The following WWOX variants were observed in gnomAD, a reference collection of about 807,000 sequenced individuals.
WWOX encodes WW domain-containing oxidoreductase.
A neutral mutation model predicts 46.2 loss-of-function variants in WWOX; 69 were observed. The observed-to-expected ratio is 1.49, with a 90% CI of 1.23 to 1.82. The LOEUF (loss-of-function observed/expected upper bound fraction) is 1.82. Ranked by LOEUF, WWOX falls within the 40% of genes most tolerant of loss-of-function variation. The pLI, the probability that WWOX is intolerant of heterozygous loss-of-function variation, is 0.00. For synonymous variants in WWOX, 359 were observed against 202.6 expected (o/e 1.77, Z -6.56); for missense variants, 919 against 542.6 (o/e 1.69, Z -6.89).
At chr16:78,904,096 C>T (rs1313504454) in intron 8 of WWOX, among the ~76,000 whole-genome samples, 2 of 152,158 alleles carry the variant, frequency 1.3e-5, no homozygotes, top group Non-Finnish European at 2.9e-5. Flanking sequence ...GTCCACCTTT[C>T]TGAAGAAAAC....
At chr16:79,058,110 AAAAAAAAAAACAAACAAAC>A (rs745809085) in intron 8 of WWOX, among the ~76,000 whole-genome samples, 4,816 of 93,504 alleles carry the variant, frequency 0.052, 110 homozygotes, top group African/African-American at 0.12. Context: ...CTTACTTAAA[AAAAAAAAAAACAAACAAAC>A]AAAAAAAAAA....
rs189073539 is a variant in WWOX, at chr16:78,784,530, C to G, written c.1056+351778C>G. Among the ~76,000 whole-genome samples the G allele has an allele frequency of 2.7e-3, 416 of 151,846 alleles. 3 individuals carry two copies. Among genetic ancestry groups the G allele is most frequent in the African/African-American group, 9.5e-3 (393 of 41,386 alleles). On this transcript the variant is annotated intron_variant, in intron 8 of 8. Transcript: ENST00000566780. ...TGTGACTTTGAACAAATTATTTTAT[C>G]TCTCTGAGCTCAGTCTCCTCATCTA...
rs1401277390 is a variant in WWOX, at chr16:79,129,268, T to G, written c.1057-82340T>G. Reference sequence around the variant, plus strand: ...CCAACGCAAAATAGAGATGTAGTTTTAGCGTGCTGCCCAATATTAAAAGAT... The same window carrying G: ...CCAACGCAAAATAGAGATGTAGTTTGAGCGTGCTGCCCAATATTAAAAGAT... On this transcript the variant is annotated intron_variant, in intron 8 of 8. Coordinates refer to ENST00000566780, the MANE Select transcript of WWOX (RefSeq NM_016373.4). Among the ~76,000 whole-genome samples, 3 of 151,448 alleles carry G rather than the reference T, an allele frequency of 2.0e-5. No homozygotes were observed. In the East Asian group the frequency reaches 5.8e-4, roughly 29 times the overall value.
At position 79,078,770 on chromosome 16, in the gene WWOX, T is replaced by A. The variant is rs6564640; in HGVS notation, c.1057-132838T>A. On this transcript the variant is annotated intron_variant, in intron 8 of 8. Coordinates refer to ENST00000566780, the MANE Select transcript of WWOX (RefSeq NM_016373.4). ...GATTTCTGGTCCATCTTTTAGAATGTCTTCACTTCTCTTGGCCTTTATTTC... is the reference window on the plus strand; with the variant it reads ...GATTTCTGGTCCATCTTTTAGAATGACTTCACTTCTCTTGGCCTTTATTTC... Among the ~76,000 whole-genome samples the A allele has an allele frequency of 1.8e-4, 28 of 152,150 alleles. No individual in the cohort carries two copies. The East Asian group carries it at 5.0e-3, about 27-fold the overall frequency.
chr16:78,837,322 G>C (rs1357688516), intron 8 of WWOX, among the ~76,000 whole-genome samples: 1 of 152,138 alleles, frequency 6.6e-6, no homozygotes, highest in Non-Finnish European at 1.5e-5. Flanking sequence ...AGTGAACGAG[G>C]CAGTGACTCC....
intron 8 of WWOX, among the ~76,000 whole-genome samples, chr16:79,168,034 G>C (rs762944906): frequency 1.3e-5 from 2 of 152,162 alleles, no homozygotes; most frequent in South Asian, 4.2e-4. Flanking sequence ...TCCAAGGCTT[G>C]TCTAAGTTGT....
At chr16:79,128,142 TAAG>T (rs775476212) in intron 8 of WWOX, among the ~76,000 whole-genome samples, 2 of 152,158 alleles carry the variant, frequency 1.3e-5, no homozygotes, top group East Asian at 3.9e-4. Flanking sequence ...AGAAGAGATT[TAAG>T]AAGAAGACAA....
chr16:78,937,869 C>G (rs1315182350), intron 8 of WWOX, among the ~76,000 whole-genome samples: 1 of 152,162 alleles, frequency 6.6e-6, no homozygotes, highest in African/African-American at 2.4e-5. Context: ...GTCAAGCAAT[C>G]TACCTGCTTC....
intron 3 of WWOX, among the ~76,000 whole-genome samples, chr16:78,110,497 T>A (rs1395338037): frequency 2.0e-5 from 3 of 152,232 alleles, no homozygotes; most frequent in African/African-American, 4.8e-5. Flanking sequence ...TGTACAGATA[T>A]ACTATAATTT....
chr16:78,457,194 T>C (rs1291196069), intron 8 of WWOX, among the ~76,000 whole-genome samples: 1 of 152,212 alleles, frequency 6.6e-6, no homozygotes, highest in Non-Finnish European at 1.5e-5. Flanking sequence ...TAATAGACCT[T>C]TCAGGAACCT....
intron 8 of WWOX, among the ~76,000 whole-genome samples, chr16:78,518,462 C>A (rs180813770): frequency 1.6e-4 from 24 of 152,258 alleles, no homozygotes; most frequent in Admixed American, 1.5e-3. Flanking sequence ...CTCAAGTGAT[C>A]TGTCCGCCTC....
intron 8 of WWOX, among the ~76,000 whole-genome samples, chr16:78,819,310 G>A (rs775077531): frequency 1.1e-4 from 17 of 152,064 alleles, no homozygotes; most frequent in Non-Finnish European, 1.8e-4. Context: ...CTTACACACC[G>A]GACCAAATTG....
At chr16:79,118,796 A>G (rs1318299970) in intron 8 of WWOX, among the ~76,000 whole-genome samples, 1 of 152,160 alleles carries the variant, frequency 6.6e-6, no homozygotes, top group African/African-American at 2.4e-5. Context: ...CATTTGGCAC[A>G]TTGCTTATTT....
intron 8 of WWOX, among the ~76,000 whole-genome samples, chr16:79,074,978 C>T (rs760373734): frequency 6.6e-6 from 1 of 152,188 alleles, no homozygotes; most frequent in Non-Finnish European, 1.5e-5. Context: ...TCAGCTCTCT[C>T]AACTTCTACA....
intron 8 of WWOX, among the ~76,000 whole-genome samples, chr16:78,864,069 G>C (rs1369604509): frequency 3.3e-5 from 5 of 152,148 alleles, no homozygotes; most frequent in Admixed American, 1.3e-4. Flanking sequence ...TTCTGTGTAA[G>C]TTTTTGTTGG....
intron 8 of WWOX, among the ~76,000 whole-genome samples, chr16:78,818,726 A>G (rs1216791665): frequency 6.6e-6 from 1 of 152,208 alleles, no homozygotes; most frequent in Non-Finnish European, 1.5e-5. Context: ...TGCTGCCTCT[A>G]CCATGTAACT....
chr16:79,182,257 C>T (rs1300133454), intron 8 of WWOX, among the ~76,000 whole-genome samples: 1 of 152,052 alleles, frequency 6.6e-6, no homozygotes, highest in Non-Finnish European at 1.5e-5. Flanking sequence ...TTGTACTGCA[C>T]ACTGTAGGGT....
At chr16:78,341,160 C>T (rs1783091952) in intron 5 of WWOX, among the ~76,000 whole-genome samples, 1 of 52,258 alleles carries the variant, frequency 1.9e-5, no homozygotes, top group African/African-American at 9.3e-5. Flanking sequence ...TTCCAGCATC[C>T]AACTGTAATT....
At chr16:78,829,185 G>A (rs1305444384) in intron 8 of WWOX, among the ~76,000 whole-genome samples, 1 of 152,130 alleles carries the variant, frequency 6.6e-6, no homozygotes, top group Non-Finnish European at 1.5e-5. Flanking sequence ...GACAGATAGA[G>A]ATTTTTAGGA....
Sources: gnomAD v4.1 joint callset for allele counts (sites outside exome capture counted in the v4.1 genomes callset) on GRCh38, gnomAD v4.1.1 for gene constraint, MANE v1.5 for transcripts, NCBI Gene and HGNC (gene_info 2026-07-23, HGNC 2026-07-21) for gene names.